LRRC42: variants seen among roughly 807,000 people sequenced by gnomAD.
LRRC42 encodes leucine rich repeat containing 42.
LRRC42 carries 43 observed loss-of-function variants against 44.3 expected under a neutral mutation model. The ratio of observed to expected loss-of-function variants is 0.97; its 90% CI spans 0.76 to 1.25. LRRC42 has a LOEUF of 1.25. Among genes scored for constraint, LRRC42 ranks in the 50% most tolerant of loss-of-function variants. The pLI is 0.00. For missense variants in LRRC42, 540 were observed against 509.1 expected (o/e 1.06, Z -0.58); for synonymous variants, 207 against 195.2 (o/e 1.06, Z -0.50).
chr1:53,964,519 C>G (rs1037055344), intron 7 of LRRC42, among the ~76,000 whole-genome samples: 2 of 152,174 alleles, frequency 1.3e-5, no homozygotes, highest in Non-Finnish European at 2.9e-5. Context: ...TATTGACATT[C>G]TTATTTCTGT....
intron 1 of LRRC42, among the ~76,000 whole-genome samples, chr1:53,946,981 G>T (rs1021224693): frequency 6.6e-6 from 1 of 151,952 alleles, no homozygotes; most frequent in Non-Finnish European, 1.5e-5. Flanking sequence ...ATAGTGAGGC[G>T]TGAAGGAAGA....
chr1:53,965,766 C>T (rs1205423436), intron 7 of LRRC42, among the ~76,000 whole-genome samples: 1 of 152,088 alleles, frequency 6.6e-6, no homozygotes, highest in South Asian at 2.1e-4. Context: ...TGAGCCACCG[C>T]GCCCGGCCAC....
intron 2 of LRRC42, among the ~76,000 whole-genome samples, chr1:53,950,647 C>A (rs1181315200): frequency 6.6e-6 from 1 of 152,220 alleles, no homozygotes; most frequent in Non-Finnish European, 1.5e-5. Context: ...TACCTCTCTT[C>A]TCCCTTTAAA....
chr1:53,961,138 G>A lies in LRRC42; in HGVS notation c.724+664G>A, dbSNP rs192121663. Among the ~76,000 whole-genome samples, 38 of 152,242 alleles carry A rather than the reference G, an allele frequency of 2.5e-4. No homozygotes were observed. In the East Asian group the frequency reaches 6.2e-3, roughly 25 times the overall value. ...AATAATGAATGTCCTGGCTGGGCGC[G>A]GTGGCTCACGCCTGTAATCCCAGCA... On this transcript the variant is annotated intron_variant, in intron 5 of 8. Transcript: ENST00000371370.
chr1:53,962,037 AC>A lies in LRRC42; in HGVS notation c.731del (p.Pro244LeufsTer17), dbSNP rs754353442. 1 of 1,609,760 alleles carries A rather than the reference AC, an allele frequency of 6.2e-7. No individual in the cohort carries two copies. On this transcript the variant is annotated frameshift_variant, in exon 6 of 9. Coordinates refer to ENST00000371370, the MANE Select transcript of LRRC42 (RefSeq NM_001256409.2). LOFTEE classifies it high-confidence loss of function. ...CTACGTTGTTTTTGACATCTAGGTAACCCTGAGATCACAGATGCAGGCATTG... is the reference window on the plus strand; with the variant it reads ...CTACGTTGTTTTTGACATCTAGGTAACCTGAGATCACAGATGCAGGCATTG... ...ENLTLLDLSC[N>X]PEITDAGIGY...
chr1:53,967,060 AACTG>A (rs1655144994), intron 8 of LRRC42, among the ~76,000 whole-genome samples: 1 of 152,196 alleles, frequency 6.6e-6, no homozygotes. Flanking sequence ...AATACCACTG[AACTG>A]TACACTTAAA....
In LRRC42 at chr1:53,957,898, T is replaced by C. The variant is rs1013826535; in HGVS notation, c.474-251T>C. 2.6e-5 allele frequency among the ~76,000 whole-genome samples: 4 copies of C among 151,276 alleles called. 1 individual carries two copies. The highest frequency in any genetic ancestry group is 2.6e-4 in the Admixed American group (4 of 15,264). Reference sequence around the variant, plus strand: ...TGTTTCACTTGTGACTTTCCTTTGCTAATATACATTTATTTATTTATTTAT... The same window carrying C: ...TGTTTCACTTGTGACTTTCCTTTGCCAATATACATTTATTTATTTATTTAT... On this transcript the variant is annotated intron_variant, in intron 3 of 8. Coordinates refer to ENST00000371370, the MANE Select transcript of LRRC42 (RefSeq NM_001256409.2).
intron 3 of LRRC42, among the ~76,000 whole-genome samples, chr1:53,954,498 T>C (rs566984987): frequency 3.0e-4 from 45 of 152,394 alleles, no homozygotes; most frequent in African/African-American, 9.4e-4. Flanking sequence ...AATAGACTTA[T>C]GATGTATATC....
intron 7 of LRRC42, among the ~76,000 whole-genome samples, chr1:53,962,714 G>A (rs1217558972): frequency 6.6e-6 from 1 of 152,208 alleles, no homozygotes; most frequent in African/African-American, 2.4e-5. Context: ...CAAAAAAGCA[G>A]TCTGACCCAA....
intron 2 of LRRC42, among the ~76,000 whole-genome samples, chr1:53,950,668 A>G (rs1170412458): frequency 2.0e-5 from 3 of 152,244 alleles, no homozygotes; most frequent in African/African-American, 4.8e-5. Flanking sequence ...TTGTAGAAAT[A>G]ATCCTCAAAT....
intron 3 of LRRC42, 102 bp from the exon 4 acceptor site, chr1:53,958,047 T>C: frequency 6.8e-7 from 1 of 1,481,406 alleles, no homozygotes. Context: ...TAGTACTGTG[T>C]CCTGATGGGA....
intron 4 of LRRC42, among the ~76,000 whole-genome samples, chr1:53,959,135 T>A (rs1654928258): frequency 6.6e-6 from 1 of 152,210 alleles, no homozygotes; most frequent in Non-Finnish European, 1.5e-5. Flanking sequence ...CCACCCACCT[T>A]GGGTTTTGCC....
intron 7 of LRRC42, among the ~76,000 whole-genome samples, chr1:53,965,674 A>G (rs547375712): frequency 7.3e-5 from 11 of 150,970 alleles, no homozygotes; most frequent in Admixed American, 7.3e-4. Flanking sequence ...ACGGGGTTTC[A>G]CTGTGTTAGC....
intron 3 of LRRC42, among the ~76,000 whole-genome samples, chr1:53,952,745 G>A (rs747450936): frequency 6.6e-6 from 1 of 152,154 alleles, no homozygotes; most frequent in East Asian, 1.9e-4. Flanking sequence ...CTTTCAAAGA[G>A]AAAATAGAAA....
Position 53,964,287 on chromosome 1 carries a change from A to G in LRRC42, c.927+1878A>G, listed in dbSNP as rs955441322. 7.2e-5 allele frequency among the ~76,000 whole-genome samples: 11 copies of G among 151,734 alleles called. No homozygotes were observed. The East Asian group carries it at 1.2e-3, about 16-fold the overall frequency. On this transcript the variant is annotated intron_variant, in intron 7 of 8. Coordinates refer to ENST00000371370, the MANE Select transcript of LRRC42 (RefSeq NM_001256409.2). ...TTTCTCACTCCTCTGGCTATGACTG[A>G]TTCCTCTTTCTTCCTCTCCTCTTCT...
At position 53,968,074 on chromosome 1, in the gene LRRC42, G is replaced by A; in HGVS notation, c.*135G>A. 2 of 872,750 alleles carry A rather than the reference G, an allele frequency of 2.3e-6. No individual in the cohort carries two copies. The highest frequency in any genetic ancestry group is 3.5e-6 in the Non-Finnish European group (2 of 564,280). 54.1% of individuals were successfully genotyped at this position (872,750 alleles called of 1,614,324 possible). ...AAGCAGATATTTCTACTTTTGTGGT[G>A]TGGGAGGGGAATGCTATGGAAGTAT... On this transcript the variant is annotated 3_prime_UTR_variant, in exon 9 of 9. Transcript: ENST00000371370.
Position 53,952,006 on chromosome 1 carries a change from T to TAC in LRRC42, c.8_9dup (p.Tyr4ThrfsTer55), listed in dbSNP as rs773230964. Reference sequence around the variant, plus strand: ...TACAGTTGCAACCAAGGCAATGTCTTACTACCTCAGCTCAGAAAACCACCT... The same window carrying TAC: ...TACAGTTGCAACCAAGGCAATGTCTTACACTACCTCAGCTCAGAAAACCACCT... On this transcript the variant is annotated frameshift_variant, in exon 3 of 9. Coordinates refer to ENST00000371370, the MANE Select transcript of LRRC42 (RefSeq NM_001256409.2). LOFTEE classifies it high-confidence loss of function. 6.2e-7 allele frequency: 1 copy of TAC among 1,613,204 alleles called. No individual in the cohort carries two copies. The highest frequency in any genetic ancestry group is 1.7e-5 in the Admixed American group (1 of 59,886).
At chr1:53,948,648 GTTA>G (rs1654591992) in intron 2 of LRRC42, among the ~76,000 whole-genome samples, 2 of 152,164 alleles carry the variant, frequency 1.3e-5, no homozygotes, top group African/African-American at 4.8e-5. Flanking sequence ...ATTGGGCATT[GTTA>G]TTGTTGTAGT....
chr1:53,948,548 A>C (rs1002751139), intron 2 of LRRC42, among the ~76,000 whole-genome samples: 3 of 152,252 alleles, frequency 2.0e-5, no homozygotes, highest in African/African-American at 7.2e-5. Context: ...CGTATGGGTT[A>C]CAAAGCTGCC....
Sources: gnomAD v4.1 joint callset for allele counts (sites outside exome capture counted in the v4.1 genomes callset) on GRCh38, gnomAD v4.1.1 for gene constraint, MANE v1.5 for transcripts, NCBI Gene and HGNC (gene_info 2026-07-23, HGNC 2026-07-21) for gene names.